Variants in XPR1 observed in about 807,000 individuals in gnomAD.
The protein encoded by XPR1 is solute carrier family 53 member 1.
XPR1 carries 28 observed loss-of-function variants against 87.5 expected under a neutral mutation model. The observed-to-expected ratio is 0.32, with a 90% CI of 0.24 to 0.44. The LOEUF is 0.44. XPR1 is among the 20% of genes least tolerant of loss of function. The pLI is 1.00. For missense variants in XPR1, 559 were observed against 862.3 expected (o/e 0.65, Z 4.41); for synonymous variants, 300 against 306.1 (o/e 0.98, Z 0.21).
intron 2 of XPR1, among the ~76,000 whole-genome samples, chr1:180,776,496 A>G (rs1229636568): frequency 2.0e-5 from 3 of 152,056 alleles, no homozygotes; most frequent in Non-Finnish European, 4.4e-5. Context: ...ATACAATTAA[A>G]ACAAAGTCCT....
intron 2 of XPR1, among the ~76,000 whole-genome samples, chr1:180,749,135 C>G (rs905004122): frequency 6.6e-6 from 1 of 152,216 alleles, no homozygotes; most frequent in Non-Finnish European, 1.5e-5. Flanking sequence ...CTGAGAGAGT[C>G]TGCAGTGAGC....
intron 2 of XPR1, among the ~76,000 whole-genome samples, chr1:180,759,313 T>C (rs1322031262): frequency 6.6e-6 from 1 of 151,992 alleles, no homozygotes; most frequent in African/African-American, 2.4e-5. Context: ...CTTCAAAAAT[T>C]AATGAATCCA....
In XPR1 at chr1:180,661,485, G is replaced by A. The variant is rs1250318094; in HGVS notation, c.70-20875G>A. Among the ~76,000 whole-genome samples, 3 of 24,238 alleles carry A rather than the reference G, an allele frequency of 1.2e-4. No individual in the cohort carries two copies. In the East Asian group the frequency reaches 1.8e-3, roughly 15 times the overall value. 15.9% of individuals were successfully genotyped at this position (24,238 alleles called of 152,430 possible). ...GTATGTTTTAATTTTTCGTGTGTGT[G>A]TGTGTGTGTGTGTGTGTGTGTGTGT... On this transcript the variant is annotated intron_variant, in intron 1 of 14. Coordinates refer to ENST00000367590, the MANE Select transcript of XPR1 (RefSeq NM_004736.4).
chr1:180,829,512 C>A (rs1650979183), intron 9 of XPR1, among the ~76,000 whole-genome samples: 1 of 152,162 alleles, frequency 6.6e-6, no homozygotes, highest in African/African-American at 2.4e-5. Context: ...TTTATGCTCT[C>A]CCTCTCACCC....
At chr1:180,660,505 A>G (rs1192421293) in intron 1 of XPR1, among the ~76,000 whole-genome samples, 1 of 151,838 alleles carries the variant, frequency 6.6e-6, no homozygotes, top group Non-Finnish European at 1.5e-5. Flanking sequence ...TCCTCTTAGT[A>G]CTTCTTTTGC....
At chr1:180,646,406 T>C (rs1177970278) in intron 1 of XPR1, among the ~76,000 whole-genome samples, 3 of 152,116 alleles carry the variant, frequency 2.0e-5, no homozygotes, top group Non-Finnish European at 4.4e-5. Context: ...TTTTTTTTTT[T>C]CTTTCGAAAA....
intron 2 of XPR1, among the ~76,000 whole-genome samples, chr1:180,757,527 A>G (rs1490435353): frequency 6.7e-6 from 1 of 148,302 alleles, no homozygotes; most frequent in Non-Finnish European, 1.5e-5. Context: ...TTTTTTTTAA[A>G]GAGTTAAGGT....
rs1475697721 is a variant in XPR1 at position 180,888,221 on chromosome 1, A to C, written c.*4155A>C. 1 of 152,088 alleles carries C rather than the reference A, an allele frequency of 6.6e-6. No homozygotes were observed. Among genetic ancestry groups the C allele is most frequent in the African/African-American group, 2.4e-5 (1 of 41,416 alleles). The allele number at this position is 152,088 out of a possible 1,614,324, so 9.4% of individuals were successfully genotyped here. Reference sequence around the variant, plus strand: ...TATTTATTCCCAAATGCAGTTTTCTAAGCAGTGACCACAAAAATTTCTTAT... The same window carrying C: ...TATTTATTCCCAAATGCAGTTTTCTCAGCAGTGACCACAAAAATTTCTTAT... On this transcript the variant is annotated 3_prime_UTR_variant, in exon 15 of 15. Transcript: ENST00000367590.
chr1:180,873,187 T>C lies in XPR1; in HGVS notation c.1669-616T>C, dbSNP rs549794251. Among the ~76,000 whole-genome samples the C allele has an allele frequency of 3.9e-5, 6 of 152,336 alleles. No homozygotes were observed. The South Asian group carries it at 1.2e-3, about 32-fold the overall frequency. The stretch of plus-strand genomic sequence containing the variant: ...TGGCAATTTGTGTACTTAAGACTTT[T>C]GTGTAGCTAAAACTGGACTGGACTC... On this transcript the variant is annotated intron_variant, in intron 12 of 14. Coordinates refer to ENST00000367590, the MANE Select transcript of XPR1 (RefSeq NM_004736.4).
intron 11 of XPR1, among the ~76,000 whole-genome samples, chr1:180,863,368 C>G (rs180876635): frequency 4.6e-5 from 7 of 152,246 alleles, no homozygotes; most frequent in Admixed American, 4.6e-4. Flanking sequence ...TTGCACTAGG[C>G]TGCCACCTGA....
intron 2 of XPR1, among the ~76,000 whole-genome samples, chr1:180,695,405 C>T (rs552876457): frequency 3.5e-4 from 20 of 57,178 alleles, no homozygotes; most frequent in African/African-American, 1.1e-3. Flanking sequence ...AATGTAGTCC[C>T]ATTTGTGTGT....
At chr1:180,635,753 C>T (rs1158781615) in intron 1 of XPR1, among the ~76,000 whole-genome samples, 2 of 152,124 alleles carry the variant, frequency 1.3e-5, no homozygotes, top group Non-Finnish European at 2.9e-5. Flanking sequence ...CTGTGTGATC[C>T]TGATGAAACC....
chr1:180,831,362 CTTTTTTTTTTT>C (rs753235095), intron 9 of XPR1, among the ~76,000 whole-genome samples: 5 of 115,484 alleles, frequency 4.3e-5, no homozygotes, highest in African/African-American at 1.6e-4. Context: ...TTTTCTTTTT[CTTTTTTTTTTT>C]TTTTTTTTGA....
intron 13 of XPR1, among the ~76,000 whole-genome samples, chr1:180,874,881 T>G (rs1652611381): frequency 6.6e-6 from 1 of 152,208 alleles, no homozygotes; most frequent in Non-Finnish European, 1.5e-5. Flanking sequence ...ATAAAATGCC[T>G]TAAAATTTTG....
At chr1:180,810,112 A>G (rs1419082390) in intron 6 of XPR1, among the ~76,000 whole-genome samples, 1 of 152,146 alleles carries the variant, frequency 6.6e-6, no homozygotes, top group Non-Finnish European at 1.5e-5. Flanking sequence ...TCACTTTACA[A>G]TCTTAGGCAC....
At chr1:180,632,320 C>G in intron 1 of XPR1, 50 bp downstream of exon 1, 3 of 1,576,176 alleles carry the variant, frequency 1.9e-6, no homozygotes, top group Middle Eastern at 1.7e-4. Flanking sequence ...CACCATCTCG[C>G]CAGTCCTGAC....
chr1:180,799,699 A>G (rs931580294), intron 3 of XPR1, among the ~76,000 whole-genome samples: 1 of 152,080 alleles, frequency 6.6e-6, no homozygotes, highest in Admixed American at 6.5e-5. Flanking sequence ...AACACAATCA[A>G]CCTGCCAGTA....
rs200044209 is a variant in XPR1 at position 180,744,650 on chromosome 1, C to CTTTTTTTTTTTTTTTTTTTTTT, written c.122-43100_122-43099insTTTTTTTTTTTTTTTTTTTTTT. ...ACTTGTTCAGGTTTAGGCACAATTT[C>CTTTTTTTTTTTTTTTTTTTTTT]TTTCTTTTTTTTTTTTTTGAGACAG... On this transcript the variant is annotated intron_variant, in intron 2 of 14. Transcript: ENST00000367590. Among the ~76,000 whole-genome samples the CTTTTTTTTTTTTTTTTTTTTTT allele has an allele frequency of 2.5e-3, 144 of 56,932 alleles. 24 individuals carry two copies. Among genetic ancestry groups the CTTTTTTTTTTTTTTTTTTTTTT allele is most frequent in the African/African-American group, 6.4e-3 (109 of 17,120 alleles). 37.3% of individuals were successfully genotyped at this position (56,932 alleles called of 152,430 possible). A position where few individuals can be genotyped will look rare whatever the true frequency, so the allele number is the denominator to read the frequency against.
chr1:180,743,640 C>G (rs1238580243), intron 2 of XPR1, among the ~76,000 whole-genome samples: 1 of 152,110 alleles, frequency 6.6e-6, no homozygotes, highest in Non-Finnish European at 1.5e-5. Context: ...TCTCAGCTAT[C>G]CAAAGAAATT....
Sources: gnomAD v4.1 joint callset for allele counts (sites outside exome capture counted in the v4.1 genomes callset) on GRCh38, gnomAD v4.1.1 for gene constraint, MANE v1.5 for transcripts, NCBI Gene and HGNC (gene_info 2026-07-23, HGNC 2026-07-21) for gene names.